LRIG1: variants seen among roughly 807,000 people sequenced by gnomAD.
LRIG1 encodes leucine rich repeats and immunoglobulin like domains 1, also known as leucine-rich repeats and immunoglobulin-like domains protein 1.
In LRIG1, 48 loss-of-function variants were observed where a neutral mutation model predicts 99.2. The ratio of observed to expected loss-of-function variants is 0.48; its 90% CI spans 0.38 to 0.62. The LOEUF is 0.62. LRIG1 is among the 20% of genes least tolerant of loss of function. The pLI is 0.00. For missense variants in LRIG1, 1,646 were observed against 1,434.4 expected, an observed-to-expected ratio of 1.15 and a Z score of -2.38; for synonymous variants, 772 against 596.1, an observed-to-expected ratio of 1.29 and a Z score of -4.30.
chr3:66,445,833 T>A (rs1425761854), intron 3 of LRIG1, among the ~76,000 whole-genome samples: 1 of 152,178 alleles, frequency 6.6e-6, no homozygotes, highest in Non-Finnish European at 1.5e-5. Flanking sequence ...ACACATGCAG[T>A]GGGAATGCCA....
chr3:66,455,531 C>G (rs1231049120), intron 2 of LRIG1, among the ~76,000 whole-genome samples: 1 of 152,208 alleles, frequency 6.6e-6, no homozygotes, highest in Non-Finnish European at 1.5e-5. Flanking sequence ...GCACAGTAGT[C>G]CTCTGCTGGT....
At chr3:66,421,375 T>C (rs6769682) in intron 3 of LRIG1, among the ~76,000 whole-genome samples, 73,612 of 152,170 alleles carry the variant, frequency 0.48, 21,183 homozygotes, top group Non-Finnish European at 0.67. Context: ...AGTTACTTCA[T>C]AGATACAATA....
At chr3:66,381,060 C>G (rs997677007) in intron 17 of LRIG1, 199 bp from the exon 18 acceptor site, 1 of 612,594 alleles carries the variant, frequency 1.6e-6, no homozygotes, top group Non-Finnish European at 2.9e-6. Context: ...ACTGTGGGGT[C>G]TTTCGTGTTT....
chr3:66,391,690 T>C (rs555614746), intron 12 of LRIG1, among the ~76,000 whole-genome samples: 25 of 152,326 alleles, frequency 1.6e-4, no homozygotes, highest in Admixed American at 2.6e-4. Flanking sequence ...AATTAGATAA[T>C]AGTGATGGTT....
chr3:66,427,694 G>C (rs1218023329), intron 3 of LRIG1, among the ~76,000 whole-genome samples: 1 of 152,170 alleles, frequency 6.6e-6, no homozygotes, highest in Non-Finnish European at 1.5e-5. Flanking sequence ...CCAAATGCTG[G>C]CAGTTGTTTT....
At chr3:66,427,837 C>T (rs967601750) in intron 3 of LRIG1, among the ~76,000 whole-genome samples, 1 of 152,164 alleles carries the variant, frequency 6.6e-6, no homozygotes, top group African/African-American at 2.4e-5. Context: ...TTTCTACCAC[C>T]CACAATTAAT....
At chr3:66,428,197 C>T (rs1255152030) in intron 3 of LRIG1, among the ~76,000 whole-genome samples, 1 of 152,180 alleles carries the variant, frequency 6.6e-6, no homozygotes, top group East Asian at 1.9e-4. Context: ...ATTGAGCTTG[C>T]ATATGTCTGG....
At chr3:66,482,621 T>C (rs915554129) in intron 1 of LRIG1, among the ~76,000 whole-genome samples, 2 of 152,226 alleles carry the variant, frequency 1.3e-5, no homozygotes, top group Non-Finnish European at 2.9e-5. Flanking sequence ...ATTAAGAATC[T>C]GCATATCCAG....
At chr3:66,407,736 G>A (rs1702327173) in intron 7 of LRIG1, among the ~76,000 whole-genome samples, 1 of 152,234 alleles carries the variant, frequency 6.6e-6, no homozygotes, top group African/African-American at 2.4e-5. Context: ...ATAGGTCACA[G>A]GGGCCAGGGT....
chr3:66,490,719 G>C (rs1474850558), intron 1 of LRIG1, among the ~76,000 whole-genome samples: 1 of 152,100 alleles, frequency 6.6e-6, no homozygotes, highest in East Asian at 1.9e-4. Flanking sequence ...TGTATAATCG[G>C]TTATCATATA....
At chr3:66,397,028 G>A (rs1262226285) in intron 11 of LRIG1, among the ~76,000 whole-genome samples, 2 of 152,200 alleles carry the variant, frequency 1.3e-5, no homozygotes, top group Admixed American at 6.5e-5. Context: ...GAAGGCCCTG[G>A]GCACGGAGCA....
chr3:66,396,498 C>T (rs147449623), intron 11 of LRIG1, among the ~76,000 whole-genome samples: 2 of 152,332 alleles, frequency 1.3e-5, no homozygotes, highest in East Asian at 1.9e-4. Context: ...GAGAAAAAGA[C>T]GACCAAGTGG....
intron 6 of LRIG1, 32 bp from the exon 7 acceptor site, chr3:66,410,304 G>A (rs777305976): frequency 1.1e-5 from 18 of 1,571,876 alleles, no homozygotes; most frequent in Non-Finnish European, 1.5e-5. Flanking sequence ...GGATGAAGAG[G>A]AGCTTTCACT....
chr3:66,419,159 C>T (rs938214810), intron 3 of LRIG1, among the ~76,000 whole-genome samples: 1 of 152,166 alleles, frequency 6.6e-6, no homozygotes, highest in Admixed American at 6.5e-5. Context: ...GCGCCACCGG[C>T]CCAGAAAGGC....
In LRIG1 at chr3:66,427,378, G is replaced by A. The variant is rs115996958; in HGVS notation, c.366-10112C>T. On this transcript the variant is annotated intron_variant, in intron 3 of 18. Coordinates refer to ENST00000273261, the MANE Select transcript of LRIG1 (RefSeq NM_015541.3). ...TATCTGAGACCCTCATATTACTGAC[G>A]GAAGATGAAACTTAGTACAGGGCAC... 5.5e-3 allele frequency among the ~76,000 whole-genome samples: 835 copies of A among 152,304 alleles called. 4 individuals are homozygous for A. The highest frequency in any genetic ancestry group is 0.018 in the African/African-American group (761 of 41,560).
At chr3:66,380,999 C>G in intron 17 of LRIG1, 138 bp from the exon 18 acceptor site, 1 of 803,142 alleles carries the variant, frequency 1.2e-6, no homozygotes, top group Non-Finnish European at 1.9e-6. Flanking sequence ...TCCTCTTTTC[C>G]CCAACTATGT....
intron 1 of LRIG1, among the ~76,000 whole-genome samples, chr3:66,473,420 C>G (rs1220093515): frequency 1.3e-5 from 2 of 152,228 alleles, no homozygotes; most frequent in Non-Finnish European, 2.9e-5. Context: ...TGACATCACA[C>G]CCACAGCTCA....
At position 66,380,379 on chromosome 3, in the gene LRIG1, G is replaced by A. The variant is rs747890427; in HGVS notation, c.3166C>T (p.Leu1056Phe). Residue 1056 changes from leucine (L) to phenylalanine (F), a missense_variant, in exon 19 of 19, where the codon CTT becomes TTT. Physicochemically the swap from Leu to Phe is conservative, Grantham distance 22. Coordinates refer to ENST00000273261, the MANE Select transcript of LRIG1 (RefSeq NM_015541.3). The stretch of plus-strand genomic sequence containing the variant: ...TTGGGGAGGTGGCCATTGGAAACAA[G>A]CAAGTACTGGGCTTCCGCGCGCTCT... ...SPERAEAQYL[L>F]VSNGHLPKAC... 5 of 1,614,216 alleles carry A rather than the reference G, an allele frequency of 3.1e-6. No homozygotes were observed. Among genetic ancestry groups the A allele is most frequent in the Non-Finnish European group, 4.2e-6 (5 of 1,180,020 alleles).
chr3:66,432,313 C>T (rs796525692), intron 3 of LRIG1, among the ~76,000 whole-genome samples: 8 of 152,296 alleles, frequency 5.3e-5, no homozygotes, highest in African/African-American at 1.4e-4. Context: ...GGTGCTTCTG[C>T]GGCCTCCAGG....
Sources: allele counts gnomAD v4.1 joint callset (sites outside exome capture counted in the v4.1 genomes callset), GRCh38; gene constraint gnomAD v4.1.1; transcripts MANE v1.5; gene names NCBI Gene and HGNC (gene_info 2026-07-23, HGNC 2026-07-21).